Variants in CACNA2D3 observed in about 807,000 individuals in gnomAD.
The protein encoded by CACNA2D3 is calcium voltage-gated channel auxiliary subunit alpha2delta 3, also known as voltage-dependent calcium channel subunit alpha-2/delta-3.
A neutral mutation model predicts 160.6 loss-of-function variants in CACNA2D3; 60 were observed. The observed-to-expected ratio is 0.37, with a 90% CI of 0.30 to 0.46. The LOEUF is 0.46. Ranked by LOEUF, CACNA2D3 falls within the 20% of genes least tolerant of loss-of-function variation. The pLI is 1.00. For missense variants in CACNA2D3, 1,205 were observed against 1,365.0 expected (o/e 0.88, Z 1.85); for synonymous variants, 558 against 492.9 (o/e 1.13, Z -1.75).
intron 12 of CACNA2D3, among the ~76,000 whole-genome samples, chr3:54,754,126 A>G (rs1412357444): frequency 6.6e-6 from 1 of 152,238 alleles, no homozygotes; most frequent in African/African-American, 2.4e-5. Flanking sequence ...TTGATTACCA[A>G]TTCCCTGTTG....
chr3:54,163,825 C>T (rs1268908290), intron 2 of CACNA2D3, among the ~76,000 whole-genome samples: 4 of 152,186 alleles, frequency 2.6e-5, no homozygotes, highest in East Asian at 1.9e-4. Context: ...CATCTACCTC[C>T]AGCACACCAG....
intron 35 of CACNA2D3, among the ~76,000 whole-genome samples, chr3:55,040,118 A>G (rs1703925076): frequency 6.6e-6 from 1 of 152,092 alleles, no homozygotes; most frequent in African/African-American, 2.4e-5. Flanking sequence ...TTCTTGCTGT[A>G]TCCTCACGTG....
chr3:54,706,863 A>G, intron 11 of CACNA2D3, among the ~76,000 whole-genome samples: 1 of 152,204 alleles, frequency 6.6e-6, no homozygotes. Context: ...GCCAATTGTC[A>G]TGATATGGTT....
intron 2 of CACNA2D3, among the ~76,000 whole-genome samples, chr3:54,149,926 TCTCTCCCTCCCTCCCTCC>T (rs1207776903): frequency 1.8e-5 from 1 of 55,152 alleles, no homozygotes; most frequent in African/African-American, 8.3e-5. Context: ...TCTCTCTCTC[TCTCTCCCTCCCTCCCTCC>T]CTCCCTCCCT....
At chr3:54,287,474 A>G (rs1415512650) in intron 2 of CACNA2D3, among the ~76,000 whole-genome samples, 2 of 150,758 alleles carry the variant, frequency 1.3e-5, no homozygotes, top group Non-Finnish European at 3.0e-5. Context: ...CACAATAATA[A>G]TGGGAGACTT....
In CACNA2D3 at chr3:55,074,525, G is replaced by T; in HGVS notation, c.*319G>T. ...CCTATTGAAACCAATTTAAAACTGT[G>T]TACTTTTTAAATAAAGTATATTAAA... On this transcript the variant is annotated 3_prime_UTR_variant, in exon 38 of 38. Coordinates refer to ENST00000474759, the MANE Select transcript of CACNA2D3 (RefSeq NM_018398.3). 1 of 236,688 alleles carries T rather than the reference G, an allele frequency of 4.2e-6. No homozygotes were observed. The highest frequency in any genetic ancestry group is 8.1e-6 in the Non-Finnish European group (1 of 122,834). 14.7% of individuals were successfully genotyped at this position (236,688 alleles called of 1,614,324 possible).
intron 35 of CACNA2D3, among the ~76,000 whole-genome samples, chr3:55,030,161 T>C (rs1559468370): frequency 6.6e-6 from 1 of 152,132 alleles, no homozygotes; most frequent in African/African-American, 2.4e-5. Context: ...TCAAAATAGT[T>C]CCTGTCTCAA....
At chr3:54,759,934 T>A (rs141636196) in intron 12 of CACNA2D3, among the ~76,000 whole-genome samples, 8 of 152,320 alleles carry the variant, frequency 5.3e-5, no homozygotes, top group Middle Eastern at 3.4e-3. Flanking sequence ...TTTCTTCCCC[T>A]ACACGGTGAG....
intron 2 of CACNA2D3, among the ~76,000 whole-genome samples, chr3:54,196,901 C>T (rs1409767207): frequency 6.6e-6 from 1 of 152,180 alleles, no homozygotes; most frequent in Non-Finnish European, 1.5e-5. Flanking sequence ...AAATGCCAGA[C>T]ATGATTATGG....
chr3:54,998,628 GTGTT>G (rs1236065437), intron 31 of CACNA2D3, among the ~76,000 whole-genome samples: 2 of 152,194 alleles, frequency 1.3e-5, no homozygotes, highest in Admixed American at 1.3e-4. Flanking sequence ...TCCCCATTCA[GTGTT>G]CAGCAGTGAA....
chr3:54,347,684 C>T (rs971466184), intron 3 of CACNA2D3, among the ~76,000 whole-genome samples: 2 of 151,944 alleles, frequency 1.3e-5, no homozygotes, highest in African/African-American at 4.8e-5. Flanking sequence ...ACACCATGGG[C>T]TCCTTCTTCA....
intron 3 of CACNA2D3, among the ~76,000 whole-genome samples, chr3:54,350,992 T>TTTTTTTTTTTTTTTTTTTTTGTTTTG (rs1559457861): frequency 9.0e-6 from 1 of 110,978 alleles, no homozygotes; most frequent in Non-Finnish European, 2.0e-5. Flanking sequence ...GTTTGTTTTT[T>TTTTTTTTTTTTTTTTTTTTTGTTTTG]TTTTTTTTTT....
intron 2 of CACNA2D3, among the ~76,000 whole-genome samples, chr3:54,205,439 T>G (rs1357198246): frequency 6.6e-6 from 1 of 152,172 alleles, no homozygotes; most frequent in Non-Finnish European, 1.5e-5. Flanking sequence ...AAAGCAAAGT[T>G]GTACAAGGAA....
intron 4 of CACNA2D3, among the ~76,000 whole-genome samples, chr3:54,392,868 G>A (rs1699305415): frequency 2.6e-5 from 4 of 152,086 alleles, no homozygotes; most frequent in Admixed American, 2.6e-4. Flanking sequence ...CATCCACTAG[G>A]AAAAGGAAGC....
At chr3:54,294,196 G>GTGA (rs1703277183) in intron 2 of CACNA2D3, among the ~76,000 whole-genome samples, 1 of 152,200 alleles carries the variant, frequency 6.6e-6, no homozygotes, top group Non-Finnish European at 1.5e-5. Flanking sequence ...CTGTCCCACA[G>GTGA]TGATCATCTC....
At chr3:54,779,079 T>G (rs2107126022) in intron 13 of CACNA2D3, among the ~76,000 whole-genome samples, 1 of 152,274 alleles carries the variant, frequency 6.6e-6, no homozygotes, top group African/African-American at 2.4e-5. Context: ...ATGATGTTAC[T>G]TTTGCCCACT....
intron 13 of CACNA2D3, among the ~76,000 whole-genome samples, chr3:54,789,651 G>A (rs757724096): frequency 1.8e-4 from 27 of 152,288 alleles, no homozygotes; most frequent in Non-Finnish European, 3.1e-4. Flanking sequence ...TTATTTGGAC[G>A]GAAAGTTGAT....
At chr3:55,003,107 G>A (rs1487427039) in intron 31 of CACNA2D3, among the ~76,000 whole-genome samples, 2 of 152,148 alleles carry the variant, frequency 1.3e-5, no homozygotes, top group East Asian at 1.9e-4. Context: ...AGGTCTTTCC[G>A]AGCACAGCAG....
At chr3:54,167,660 A>G (rs1700485609) in intron 2 of CACNA2D3, among the ~76,000 whole-genome samples, 1 of 152,160 alleles carries the variant, frequency 6.6e-6, no homozygotes. Context: ...TACCACCTTC[A>G]TTACTTGGGG....
Sources: gnomAD v4.1 joint callset for allele counts (sites outside exome capture counted in the v4.1 genomes callset) on GRCh38, gnomAD v4.1.1 for gene constraint, MANE v1.5 for transcripts, NCBI Gene and HGNC (gene_info 2026-07-23, HGNC 2026-07-21) for gene names.